The following IAH1 variants were observed in gnomAD, a reference collection of about 807,000 sequenced individuals.
The protein encoded by IAH1 is isoamyl acetate hydrolyzing esterase 1 (putative).
Under a neutral mutation model 26.7 loss-of-function variants are expected in IAH1, and 24 were observed. The observed-to-expected ratio is 0.90, with a 90% confidence interval of 0.65 to 1.26. IAH1 has a LOEUF of 1.26. Among genes scored for constraint, IAH1 ranks in the 50% most tolerant of loss-of-function variants. IAH1 has a pLI of 0.00. For synonymous variants in IAH1, 140 were observed against 118.5 expected, an observed-to-expected ratio of 1.18 and a Z score of -1.18; for missense variants, 300 against 299.9, an observed-to-expected ratio of 1.00 and a Z score of 0.00.
intron 4 of IAH1, 138 bp downstream of exon 4, chr2:9,481,585 A>G (rs973629638): frequency 2.7e-6 from 2 of 731,888 alleles, no homozygotes; most frequent in African/African-American, 1.8e-5. Flanking sequence ...TTTCAATCCA[A>G]AATTATTAAA....
At chr2:9,508,894 G>A in the IAH1 span, among the ~76,000 whole-genome samples, 1 of 152,030 alleles carries the variant, frequency 6.6e-6, no homozygotes, top group African/African-American at 2.4e-5. Context: ...AAGTTGTCAA[G>A]CAGAGGAAAA....
downstream of IAH1, chr2:9,490,547 T>TAGG: frequency 6.3e-7 from 1 of 1,589,146 alleles, no homozygotes; most frequent in Non-Finnish European, 8.6e-7. Flanking sequence ...AATTGATTGA[T>TAGG]AGGAATAAAA....
At chr2:9,490,114 G>T, downstream of IAH1, 4 of 1,371,088 alleles carry the variant, frequency 2.9e-6, no homozygotes, top group East Asian at 7.0e-5. Context: ...AGCTGTGATT[G>T]ATTTGTAGGT....
At chr2:9,491,458 T>C (rs1473850240), downstream of IAH1, among the ~76,000 whole-genome samples, 4 of 152,258 alleles carry the variant, frequency 2.6e-5, no homozygotes, top group Non-Finnish European at 5.9e-5. Flanking sequence ...TAAAGGCATC[T>C]TCCTGTGCAT....
chr2:9,512,205 A>T, the IAH1 span: 1 of 152,176 alleles, frequency 6.6e-6, no homozygotes, highest in Admixed American at 6.5e-5. Flanking sequence ...AATGAAGAGA[A>T]ATATCTCCTA....
downstream of IAH1, among the ~76,000 whole-genome samples, chr2:9,501,068 G>GTAA (rs78246304): frequency 6.5e-3 from 606 of 93,748 alleles, 5 homozygotes; most frequent in African/African-American, 0.028. Context: ...GGAGACGTAT[G>GTAA]CCCAAATGGA....
chr2:9,474,630 G>T lies in IAH1; in HGVS notation c.64G>T (p.Gly22Trp). The change falls in exon 1 of 6, where the codon GGG becomes TGG. Residue 22 changes from glycine (G) to tryptophan (W), a missense_variant. Physicochemically the swap from Gly to Trp is radical, Grantham distance 184. Coordinates refer to ENST00000497473, the MANE Select transcript of IAH1 (RefSeq NM_001039613.3). This position sits in a 1 kb window ranked among gnomAD's most constrained non-coding sequence, Gnocchi z 4.3. ...GCTCTGGCCTCGCTTGTTGCTCTTC[G>T]GGGACTCCATCACCCAGGTACGGCC... Reference protein sequence around the residue: ...ALLWPRLLLFGDSITQFSFQQ... With the variant: ...ALLWPRLLLFWDSITQFSFQQ... 1 of 1,557,336 alleles carries T rather than the reference G, an allele frequency of 6.4e-7. No individual in the cohort carries two copies. The highest frequency in any genetic ancestry group is 1.2e-5 in the South Asian group (1 of 85,584).
chr2:9,475,880 AGCCAAGAAGGGAGC>A, intron 1 of IAH1, 93 bp from the exon 2 acceptor site: 1 of 908,690 alleles, frequency 1.1e-6, no homozygotes, highest in Admixed American at 2.0e-5. Context: ...AAGCAATCAA[AGCCAAGAAGGGAGC>A]GCCGAGAAAA....
chr2:9,500,893 A>G (rs528258529), downstream of IAH1, among the ~76,000 whole-genome samples: 29 of 152,360 alleles, frequency 1.9e-4, no homozygotes, highest in South Asian at 5.6e-3. Context: ...CAAGTCCTGA[A>G]TGTAAAAGGA....
chr2:9,484,787 A>G (rs1050150177), intron 5 of IAH1: 4 of 476,488 alleles, frequency 8.4e-6, no homozygotes, highest in East Asian at 7.4e-5. Flanking sequence ...AGTGACATCA[A>G]TGAGCAACAC....
At chr2:9,511,601 T>G in the IAH1 span, among the ~76,000 whole-genome samples, 6 of 152,246 alleles carry the variant, frequency 3.9e-5, no homozygotes, top group Admixed American at 3.3e-4. Flanking sequence ...TATCAGATTA[T>G]CAGATGATTT....
chr2:9,485,609 G>C (rs1661431822), intron 5 of IAH1: 1 of 153,284 alleles, frequency 6.5e-6, no homozygotes, highest in East Asian at 1.9e-4. Flanking sequence ...CTGCACTCCG[G>C]TCTGGAGGAT....
intron 4 of IAH1, among the ~76,000 whole-genome samples, chr2:9,484,189 C>T (rs1661346837): frequency 6.6e-6 from 1 of 152,208 alleles, no homozygotes; most frequent in Non-Finnish European, 1.5e-5. Context: ...TCCCTGGCGC[C>T]TCAGAAGATT....
the IAH1 span, among the ~76,000 whole-genome samples, chr2:9,507,443 A>G: frequency 1.3e-5 from 2 of 152,182 alleles, no homozygotes; most frequent in African/African-American, 4.8e-5. Flanking sequence ...TGGAGGTTGC[A>G]GTGAGCAGAG....
chr2:9,506,540 T>C, the IAH1 span, among the ~76,000 whole-genome samples: 1 of 151,952 alleles, frequency 6.6e-6, no homozygotes, highest in Non-Finnish European at 1.5e-5. Context: ...CTAATTTTTG[T>C]ATTTTTTGTA....
chr2:9,480,373 C>G (rs1006681665), intron 3 of IAH1, among the ~76,000 whole-genome samples: 4 of 152,060 alleles, frequency 2.6e-5, no homozygotes, highest in Non-Finnish European at 5.9e-5. Flanking sequence ...GTGTTGCGTG[C>G]CTGTAGTCCC....
At chr2:9,490,047 A>C, downstream of IAH1, 1 of 835,694 alleles carries the variant, frequency 1.2e-6, no homozygotes, top group Non-Finnish European at 1.8e-6. Context: ...TACCTGCAGG[A>C]AGTTCAAACA....
chr2:9,490,252 G>A, downstream of IAH1: 1 of 1,612,776 alleles, frequency 6.2e-7, no homozygotes, highest in East Asian at 2.2e-5. Context: ...CACTTCTGGT[G>A]ACCGGATGGT....
At chr2:9,491,506 C>T (rs1262102927), downstream of IAH1, among the ~76,000 whole-genome samples, 1 of 152,232 alleles carries the variant, frequency 6.6e-6, no homozygotes, top group Non-Finnish European at 1.5e-5. Flanking sequence ...TACACCAGGA[C>T]CGCACTGACT....
Sources: gnomAD v4.1 joint callset for allele counts (sites outside exome capture counted in the v4.1 genomes callset) on GRCh38, gnomAD v4.1.1 for gene constraint, Gnocchi (gnomAD v3.1) non-coding constraint, MANE v1.5 for transcripts, NCBI Gene and HGNC (gene_info 2026-07-23, HGNC 2026-07-21) for gene names.